IGSF3: variants seen among roughly 807,000 people sequenced by gnomAD.
IGSF3 encodes the protein immunoglobulin superfamily member 3, also known as glu-Trp-Ile EWI motif-containing protein 3.
Under a neutral mutation model 114.4 loss-of-function variants are expected in IGSF3, and 23 were observed. The ratio of observed to expected loss-of-function variants is 0.20; its 90% CI spans 0.14 to 0.28. IGSF3 has a LOEUF of 0.28. Among genes scored for constraint, IGSF3 ranks in the 10% least tolerant of loss-of-function variants. The probability of loss-of-function intolerance (pLI) is 1.00; values close to 1 mark genes in which losing one functional copy is unlikely to be tolerated. For missense variants in IGSF3, 1,172 were observed against 1,591.5 expected, an observed-to-expected ratio of 0.74 and a Z score of 4.48; for synonymous variants, 571 against 645.2, an observed-to-expected ratio of 0.88 and a Z score of 1.74.
chr1:116,593,845 T>C lies in IGSF3; in HGVS notation c.2030-4741A>G, dbSNP rs1660227769. Among the ~76,000 whole-genome samples the C allele has an allele frequency of 6.6e-6, 1 of 152,118 alleles. No individual in the cohort carries two copies. Among genetic ancestry groups the C allele is most frequent in the African/African-American group, 2.4e-5 (1 of 41,430 alleles). ...GCAGGTCTCTGGTTGCCATATTGAT[T>C]TGGGGAGGGGTATATATTCAATGGA... On this transcript the variant is annotated intron_variant, in intron 7 of 10. Transcript: ENST00000369486. The surrounding 1 kb of genome is among the most constrained non-coding windows in gnomAD (Gnocchi z 4.5).
Position 116,577,149 on chromosome 1 carries a change from G to T in IGSF3, c.*163C>A. ...AACCAACCAAGACTGCCACCGAGAG[G>T]CAGTCTGTCTCTGTGACTGACTGGG... On this transcript the variant is annotated 3_prime_UTR_variant, in exon 11 of 11. Coordinates refer to ENST00000369486, the MANE Select transcript of IGSF3 (RefSeq NM_001007237.3). This position sits in a 1 kb window ranked among gnomAD's most constrained non-coding sequence, Gnocchi z 5.7. 1.5e-6 allele frequency: 1 copy of T among 686,762 alleles called. No individual in the cohort carries two copies. Among genetic ancestry groups the T allele is most frequent in the Non-Finnish European group, 2.4e-6 (1 of 415,930 alleles). 42.5% of individuals were successfully genotyped at this position (686,762 alleles called of 1,614,324 possible). A position where few individuals can be genotyped will look rare whatever the true frequency, so the allele number is the denominator to read the frequency against.
rs1647414555 is a variant in IGSF3 at position 116,628,611 on chromosome 1, T to C, written c.44-12154A>G. On this transcript the variant is annotated intron_variant, in intron 2 of 10. Coordinates refer to ENST00000369486, the MANE Select transcript of IGSF3 (RefSeq NM_001007237.3). This position sits in a 1 kb window ranked among gnomAD's most constrained non-coding sequence, Gnocchi z 4.2. Reference sequence around the variant, plus strand: ...GGTGGCAGGCACCCTGAAATATGTCTAGCATACTCATAAAGCATGAACATC... The same window carrying C: ...GGTGGCAGGCACCCTGAAATATGTCCAGCATACTCATAAAGCATGAACATC... Among the ~76,000 whole-genome samples, 1 of 152,138 alleles carries C rather than the reference T, an allele frequency of 6.6e-6. No individual in the cohort carries two copies. The highest frequency in any genetic ancestry group is 2.4e-5 in the African/African-American group (1 of 41,426).
rs1648503502 is a variant in IGSF3, at chr1:116,648,628, G to A, written c.43+17656C>T. The stretch of plus-strand genomic sequence containing the variant: ...AAGCGTGTGCAAAGTGCCTAGCTCC[G>A]GACTGCTTGCAGAAAAGGCACATTT... On this transcript the variant is annotated intron_variant, in intron 2 of 10. Coordinates refer to ENST00000369486, the MANE Select transcript of IGSF3 (RefSeq NM_001007237.3). The surrounding 1 kb of genome is among the most constrained non-coding windows in gnomAD (Gnocchi z 4.7). 6.6e-6 allele frequency among the ~76,000 whole-genome samples: 1 copy of A among 152,108 alleles called. No individual in the cohort carries two copies. Among genetic ancestry groups the A allele is most frequent in the African/African-American group, 2.4e-5 (1 of 41,412 alleles).
chr1:116,607,949 G>T lies in IGSF3; in HGVS notation c.1215C>A (p.Leu405=). The T allele has an allele frequency of 6.2e-7, 1 of 1,613,716 alleles. No homozygotes were observed. Among genetic ancestry groups the T allele is most frequent in the Non-Finnish European group, 8.5e-7 (1 of 1,179,658 alleles). ...KRPKNIPIIV[L]PLKSSISVEV... The stretch of plus-strand genomic sequence containing the variant: ...GCACATCTCTCTACTTACTGAGGGG[G>T]AGGACTATGATGGGGATGTTCTTGG... Residue 405 remains leucine, a synonymous_variant, in exon 5 of 11, where the codon CTC becomes CTA. Transcript: ENST00000369486. The surrounding 1 kb of genome is among the most constrained non-coding windows in gnomAD (Gnocchi z 6.1).
At position 116,661,031 on chromosome 1, in the gene IGSF3, G is replaced by A. The variant is rs571198852; in HGVS notation, c.43+5253C>T. On this transcript the variant is annotated intron_variant, in intron 2 of 10. Transcript: ENST00000369486. This position sits in a 1 kb window ranked among gnomAD's most constrained non-coding sequence, Gnocchi z 4.0. ...AACTGGGCCAGGTGTGGTAGCTCAC[G>A]CCTGTAATTTCAGCATTTTGGGAGG... Among the ~76,000 whole-genome samples the A allele has an allele frequency of 5.9e-5, 9 of 152,258 alleles. No individual in the cohort carries two copies. The highest frequency in any genetic ancestry group is 1.3e-4 in the Admixed American group (2 of 15,294).
In IGSF3 at chr1:116,605,308, C is replaced by T. The variant is rs1433623822; in HGVS notation, c.1223-1283G>A. 1.3e-5 allele frequency among the ~76,000 whole-genome samples: 2 copies of T among 151,870 alleles called. No homozygotes were observed. Among genetic ancestry groups the T allele is most frequent in the East Asian group, 1.9e-4 (1 of 5,146 alleles). On this transcript the variant is annotated intron_variant, in intron 5 of 10. Coordinates refer to ENST00000369486, the MANE Select transcript of IGSF3 (RefSeq NM_001007237.3). This position sits in a 1 kb window ranked among gnomAD's most constrained non-coding sequence, Gnocchi z 5.1. ...ATCAAATCTTTTCTCTCCTTTATTT[C>T]CCCAACAAGCAGAAACAAAGACGAG... is the stretch of plus-strand genomic sequence containing the variant.
chr1:116,646,635 G>A (rs946414610), intron 2 of IGSF3, among the ~76,000 whole-genome samples: 1 of 152,120 alleles, frequency 6.6e-6, no homozygotes, highest in African/African-American at 2.4e-5. Flanking sequence ...AAATACAGAG[G>A]AGGTAGAGAG....
rs1015642999 is a variant in IGSF3 at position 116,666,368 on chromosome 1, T to C, written c.-42A>G. On this transcript the variant is annotated 5_prime_UTR_variant, in exon 2 of 11. Transcript: ENST00000369486. ...AGACACAACACAAGGCGCTTCCTCTTCTCCCAGCTCCTAATCTCTCATTTC... is the reference window on the plus strand; with the variant it reads ...AGACACAACACAAGGCGCTTCCTCTCCTCCCAGCTCCTAATCTCTCATTTC... 6.3e-6 allele frequency: 10 copies of C among 1,593,334 alleles called. No individual in the cohort carries two copies. Among genetic ancestry groups the C allele is most frequent in the Non-Finnish European group, 7.8e-6 (9 of 1,161,064 alleles).
In IGSF3 at chr1:116,640,071, A is replaced by G. The variant is rs372492604; in HGVS notation, c.44-23614T>C. 2.5e-4 allele frequency among the ~76,000 whole-genome samples: 37 copies of G among 149,284 alleles called. No homozygotes were observed. The East Asian group carries it at 3.3e-3, about 13-fold the overall frequency. ...AAAAAAAAAAAAGAAAGAAAGAAAG[A>G]AAGGAAGGAAGAAGAAAATATGCAT... On this transcript the variant is annotated intron_variant, in intron 2 of 10. Coordinates refer to ENST00000369486, the MANE Select transcript of IGSF3 (RefSeq NM_001007237.3).
At chr1:116,643,711 T>C (rs1648214769) in intron 2 of IGSF3, among the ~76,000 whole-genome samples, 1 of 152,236 alleles carries the variant, frequency 6.6e-6, no homozygotes, top group Admixed American at 6.5e-5. Context: ...GGGCACGTCT[T>C]GTGTTGTCAC....
chr1:116,630,279 T>C (rs1055975083), intron 2 of IGSF3, among the ~76,000 whole-genome samples: 2 of 152,204 alleles, frequency 1.3e-5, no homozygotes, highest in African/African-American at 4.8e-5. Flanking sequence ...AGAAGCCTCT[T>C]TGGAAGAAGA....
rs1647400280 is a variant in IGSF3, at chr1:116,628,376, A to C, written c.44-11919T>G. Among the ~76,000 whole-genome samples the C allele has an allele frequency of 6.6e-6, 1 of 152,156 alleles. No individual in the cohort carries two copies. The highest frequency in any genetic ancestry group is 6.5e-5 in the Admixed American group (1 of 15,280). On this transcript the variant is annotated intron_variant, in intron 2 of 10. Transcript: ENST00000369486. This position sits in a 1 kb window ranked among gnomAD's most constrained non-coding sequence, Gnocchi z 4.2. ...TGGTTCTCAGCGCAAATTCCCCAGA[A>C]AGCAATCTGACTGGCTGGGAGACTT... is the stretch of plus-strand genomic sequence containing the variant.
chr1:116,637,575 A>T (rs898232952), intron 2 of IGSF3, among the ~76,000 whole-genome samples: 4 of 152,104 alleles, frequency 2.6e-5, no homozygotes, highest in Non-Finnish European at 5.9e-5. Context: ...CAAGCAGACG[A>T]CCTTCTTTCA....
chr1:116,616,373 T>C lies in IGSF3; in HGVS notation c.128A>G (p.Asn43Ser), dbSNP rs528078812. ...TEGSHITIWC[N>S]VSGYQGPSEQ... ...AGAAGGTCCCTGGTAGCCACTCACA[T>C]TGCACCAGATAGTGATGTGGGAGCC... is the stretch of plus-strand genomic sequence containing the variant. Residue 43 changes from asparagine to serine, a missense_variant, in exon 3 of 11, where the codon AAT (asparagine) becomes AGT (serine). Around this residue, in one of 3 missense-constraint regions of IGSF3, gnomAD observed 736 missense variants for 1,042.0 expected, o/e 0.71. Coordinates refer to ENST00000369486, the MANE Select transcript of IGSF3 (RefSeq NM_001007237.3). The surrounding 1 kb of genome is among the most constrained non-coding windows in gnomAD (Gnocchi z 6.6). 44 of 1,611,926 alleles carry C rather than the reference T, an allele frequency of 2.7e-5. No individual in the cohort carries two copies. In the East Asian group the frequency reaches 7.8e-4, roughly 29 times the overall value.
In IGSF3 at chr1:116,600,153, C is replaced by G. The variant is rs753783767; in HGVS notation, c.1817G>C (p.Trp606Ser). 3 of 1,613,966 alleles carry G rather than the reference C, an allele frequency of 1.9e-6. No homozygotes were observed. The highest frequency in any genetic ancestry group is 1.1e-5 in the South Asian group (1 of 91,064). The part of the protein sequence containing the change: ...VTFTRDGGVQ[W>S]GDRSSSFRTR... ...TCGGAAGCTGGAGGACCTGTCCCCC[C>G]ACTGGACCCCTCCGTCCCGGGTGAA... The change falls in exon 7 of 11, where the codon TGG (tryptophan) becomes TCG (serine). Residue 606 changes from tryptophan to serine, a missense_variant. Physicochemically the swap from Trp to Ser is radical, Grantham distance 177. Transcript: ENST00000369486. The surrounding 1 kb of genome is among the most constrained non-coding windows in gnomAD (Gnocchi z 5.5).
rs891101267 is a variant in IGSF3 at position 116,624,640 on chromosome 1, C to G, written c.44-8183G>C. 6.6e-6 allele frequency among the ~76,000 whole-genome samples: 1 copy of G among 152,200 alleles called. No homozygotes were observed. The highest frequency in any genetic ancestry group is 1.5e-5 in the Non-Finnish European group (1 of 68,036). On this transcript the variant is annotated intron_variant, in intron 2 of 10. Coordinates refer to ENST00000369486, the MANE Select transcript of IGSF3 (RefSeq NM_001007237.3). This position sits in a 1 kb window ranked among gnomAD's most constrained non-coding sequence, Gnocchi z 4.9. ...TCCCACATGCTCTTTTGCAATGTGA[C>G]CATGCCACACACTCCCATCAAGAGG... is the stretch of plus-strand genomic sequence containing the variant.
chr1:116,642,170 A>AT lies in IGSF3; in HGVS notation c.43+24113dup. 6.6e-6 allele frequency among the ~76,000 whole-genome samples: 1 copy of AT among 151,834 alleles called. No individual in the cohort carries two copies. The highest frequency in any genetic ancestry group is 1.9e-4 in the East Asian group (1 of 5,164). On this transcript the variant is annotated intron_variant, in intron 2 of 10. Transcript: ENST00000369486. This position sits in a 1 kb window ranked among gnomAD's most constrained non-coding sequence, Gnocchi z 5.4. ...TTTACTTTGAAATATAGAACATTTC[A>AT]TTTTTTTCCCACACACCTCGCATCT...
Position 116,584,211 on chromosome 1 carries a change from T to G in IGSF3, c.2848+434A>C. ...ACTCCGTTTCAAAAAAAAAAAAGTA[T>G]TGGGAAGTGACAGAGTGAAGGCTGC... is the stretch of plus-strand genomic sequence containing the variant. On this transcript the variant is annotated intron_variant, in intron 9 of 10. Coordinates refer to ENST00000369486, the MANE Select transcript of IGSF3 (RefSeq NM_001007237.3). This position sits in a 1 kb window ranked among gnomAD's most constrained non-coding sequence, Gnocchi z 5.8. Among the ~76,000 whole-genome samples the G allele has an allele frequency of 6.6e-6, 1 of 152,062 alleles. No homozygotes were observed. Among genetic ancestry groups the G allele is most frequent in the East Asian group, 1.9e-4 (1 of 5,176 alleles).
At position 116,655,816 on chromosome 1, in the gene IGSF3, CAAT is replaced by C. The variant is rs1310289903; in HGVS notation, c.43+10465_43+10467del. 2.0e-5 allele frequency among the ~76,000 whole-genome samples: 3 copies of C among 152,044 alleles called. No homozygotes were observed. Among genetic ancestry groups the C allele is most frequent in the Non-Finnish European group, 4.4e-5 (3 of 68,008 alleles). ...AATTTCAAAATTATAGCAAAATAGTCAATAAAATACGAACGTGCTTAATTTGAT... is the reference window on the plus strand; with the variant it reads ...AATTTCAAAATTATAGCAAAATAGTCAAAATACGAACGTGCTTAATTTGAT... On this transcript the variant is annotated intron_variant, in intron 2 of 10. Coordinates refer to ENST00000369486, the MANE Select transcript of IGSF3 (RefSeq NM_001007237.3). The surrounding 1 kb of genome is among the most constrained non-coding windows in gnomAD (Gnocchi z 4.3).
Sources: allele counts gnomAD v4.1 joint callset (sites outside exome capture counted in the v4.1 genomes callset), GRCh38; gene constraint gnomAD v4.1.1; regional missense constraint gnomAD v4.1.1; non-coding constraint Gnocchi (gnomAD v3.1); transcripts MANE v1.5; gene names NCBI Gene and HGNC (gene_info 2026-07-23, HGNC 2026-07-21).